The following SLC3A1 variants were observed in gnomAD, a reference collection of about 807,000 sequenced individuals.
The protein encoded by SLC3A1 is solute carrier family 3 member 1.
Under a neutral mutation model 60.3 loss-of-function variants are expected in SLC3A1, and 78 were observed. The ratio of observed to expected loss-of-function variants is 1.29; its 90% CI spans 1.08 to 1.56. The LOEUF is 1.56. SLC3A1 is among the 40% of genes most tolerant of loss of function. SLC3A1 has a pLI of 0.00. For synonymous variants in SLC3A1, 392 were observed against 307.9 expected (o/e 1.27, Z -2.86); for missense variants, 1,172 against 858.9 (o/e 1.36, Z -4.56).
At chr2:44,296,550 C>T (rs969297010) in intron 4 of SLC3A1, among the ~76,000 whole-genome samples, 1 of 152,122 alleles carries the variant, frequency 6.6e-6, no homozygotes, top group Non-Finnish European at 1.5e-5. Context: ...GAGTTATTCA[C>T]CCCAGAACTT....
At chr2:44,281,688 T>A in intron 3 of SLC3A1, 147 bp downstream of exon 3, 1 of 741,992 alleles carries the variant, frequency 1.3e-6, no homozygotes. Context: ...GAAATAAGGT[T>A]TCCAGTTGTT....
intron 3 of SLC3A1, among the ~76,000 whole-genome samples, chr2:44,284,746 T>C (rs964109289): frequency 1.3e-5 from 2 of 151,986 alleles, no homozygotes; most frequent in African/African-American, 2.4e-5. Flanking sequence ...TTTATTTTTT[T>C]GTAAATATGG....
intron 4 of SLC3A1, 101 bp from the exon 5 acceptor site, chr2:44,299,870 T>C (rs1011183029): frequency 6.9e-6 from 8 of 1,166,234 alleles, no homozygotes; most frequent in East Asian, 4.7e-5. Flanking sequence ...TATGTAGATA[T>C]CTGTTTTATG....
intron 6 of SLC3A1, among the ~76,000 whole-genome samples, chr2:44,301,622 C>G (rs552465528): frequency 6.0e-5 from 9 of 151,006 alleles, no homozygotes; most frequent in Non-Finnish European, 1.2e-4. Context: ...GCCTGTAATC[C>G]CAGCTACTTG....
At position 44,320,439 on chromosome 2, in the gene SLC3A1, A is replaced by G. The variant is rs758003140; in HGVS notation, c.1858A>G (p.Ile620Val). The G allele has an allele frequency of 4.3e-6, 7 of 1,614,024 alleles. No homozygotes were observed. The East Asian group carries it at 6.7e-5, about 15-fold the overall frequency. ...MISGLPAKMRIRLSTNSADKG... is the reference protein window; with the variant it reads ...MISGLPAKMRVRLSTNSADKG... ...TTCGGGCCTTCCCGCTAAAATGAGA[A>G]TAAGGTTAAGTACCAATTCTGCCGA... Residue 620 changes from isoleucine (I) to valine (V), a missense_variant, in exon 10 of 10, where the codon ATA (isoleucine) becomes GTA (valine). Physicochemically the swap from Ile to Val is conservative, Grantham distance 29. Coordinates refer to ENST00000260649, the MANE Select transcript of SLC3A1 (RefSeq NM_000341.4).
rs780143133 is a variant in SLC3A1, at chr2:44,286,165, T to G, written c.891+8T>G. The G allele has an allele frequency of 5.0e-6, 8 of 1,613,456 alleles. No individual in the cohort carries two copies. The highest frequency in any genetic ancestry group is 5.9e-6 in the Non-Finnish European group (7 of 1,179,530). ...GTTCAAGAAGAAATAAAAGTGAGTA[T>G]AGATACCCACACAGACTTCTCCATT... On this transcript the variant is annotated splice_region_variant and intron_variant, in intron 4 of 9. Coordinates refer to ENST00000260649, the MANE Select transcript of SLC3A1 (RefSeq NM_000341.4).
chr2:44,296,144 T>C (rs1671841350), intron 4 of SLC3A1, among the ~76,000 whole-genome samples: 1 of 152,196 alleles, frequency 6.6e-6, no homozygotes, highest in African/African-American at 2.4e-5. Flanking sequence ...ACCAGACTTC[T>C]CTAGCCCATT....
intron 9 of SLC3A1, among the ~76,000 whole-genome samples, chr2:44,315,822 A>T (rs1202562194): frequency 6.6e-6 from 1 of 152,144 alleles, no homozygotes; most frequent in Non-Finnish European, 1.5e-5. Context: ...TGGTGATCAC[A>T]TGCATGGCAG....
chr2:44,284,069 A>T (rs889958152), intron 3 of SLC3A1, among the ~76,000 whole-genome samples: 3 of 152,004 alleles, frequency 2.0e-5, no homozygotes, highest in Non-Finnish European at 4.4e-5. Flanking sequence ...ATCTTGGGGT[A>T]CATGTGCAAG....
chr2:44,299,833 T>G, intron 4 of SLC3A1, 138 bp from the exon 5 acceptor site: 1 of 901,564 alleles, frequency 1.1e-6, no homozygotes, highest in Non-Finnish European at 1.8e-6. Context: ...TAGATAAAAA[T>G]AGACTGTGAA....
chr2:44,310,343 T>A (rs371291516), intron 7 of SLC3A1, among the ~76,000 whole-genome samples: 1 of 152,246 alleles, frequency 6.6e-6, no homozygotes, highest in Non-Finnish European at 1.5e-5. Context: ...TAAAAAATTA[T>A]ACTCATCATA....
chr2:44,293,281 G>A (rs950725094), intron 4 of SLC3A1, among the ~76,000 whole-genome samples: 26 of 152,278 alleles, frequency 1.7e-4, no homozygotes, highest in African/African-American at 6.3e-4. Flanking sequence ...CACTTTGGGA[G>A]GCTGAGGCAG....
At chr2:44,301,746 AAAAAAAAAAAGAACC>A (rs1672016176) in intron 6 of SLC3A1, among the ~76,000 whole-genome samples, 1 of 151,130 alleles carries the variant, frequency 6.6e-6, no homozygotes, top group Admixed American at 6.6e-5. Flanking sequence ...CACAAAAAAA[AAAAAAAAAAAGAACC>A]AAAAAAACAA....
intron 5 of SLC3A1, among the ~76,000 whole-genome samples, chr2:44,300,638 G>C (rs1366772451): frequency 6.6e-6 from 1 of 152,138 alleles, no homozygotes; most frequent in Non-Finnish European, 1.5e-5. Context: ...TAATAGTTTT[G>C]TGAGCAGATA....
At chr2:44,288,949 C>A (rs6743552) in intron 4 of SLC3A1, among the ~76,000 whole-genome samples, 7,010 of 151,874 alleles carry the variant, frequency 0.046, 514 homozygotes, top group African/African-American at 0.15. Flanking sequence ...ATTCTTGCGC[C>A]TCAGCTTCCT....
rs1039779650 is a variant in SLC3A1 at position 44,277,946 on chromosome 2, C to G, written c.430+1981C>G. Among the ~76,000 whole-genome samples, 5 of 150,742 alleles carry G rather than the reference C, an allele frequency of 3.3e-5. No individual in the cohort carries two copies. The South Asian group carries it at 1.0e-3, about 32-fold the overall frequency. ...TTTGAGTCTGGTTTTGGTGATTGCC[C>G]TCTCTCCTTCTAAAATGTGGGGTGG... On this transcript the variant is annotated intron_variant, in intron 1 of 9. Coordinates refer to ENST00000260649, the MANE Select transcript of SLC3A1 (RefSeq NM_000341.4).
intron 3 of SLC3A1, among the ~76,000 whole-genome samples, chr2:44,283,607 A>G (rs757924295): frequency 6.6e-6 from 1 of 152,066 alleles, no homozygotes; most frequent in Non-Finnish European, 1.5e-5. Context: ...CTCAAACTAT[A>G]TCATTTCTTG....
At chr2:44,298,188 A>T (rs112118878) in intron 4 of SLC3A1, among the ~76,000 whole-genome samples, 2 of 11,610 alleles carry the variant, frequency 1.7e-4, no homozygotes, top group African/African-American at 6.6e-4. Flanking sequence ...TCAGATCTTT[A>T]AAAAAAATGT....
chr2:44,288,440 C>T lies in SLC3A1; in HGVS notation c.891+2283C>T, dbSNP rs187731396. On this transcript the variant is annotated intron_variant, in intron 4 of 9. Coordinates refer to ENST00000260649, the MANE Select transcript of SLC3A1 (RefSeq NM_000341.4). ...CCCTGGGAAACCACAAATCTACTTT[C>T]TATCTTTTTACCCACCTAAGCCTCA... Among the ~76,000 whole-genome samples the T allele has an allele frequency of 8.9e-3, 1,347 of 151,894 alleles. 26 individuals carry two copies. Among genetic ancestry groups the T allele is most frequent in the South Asian group, 0.083 (396 of 4,770 alleles).
Sources: allele counts gnomAD v4.1 joint callset (sites outside exome capture counted in the v4.1 genomes callset), GRCh38; gene constraint gnomAD v4.1.1; transcripts MANE v1.5; gene names NCBI Gene and HGNC (gene_info 2026-07-23, HGNC 2026-07-21).